Variants in TTC27 observed in about 807,000 individuals in gnomAD.
TTC27 encodes tetratricopeptide repeat domain 27, also known as tetratricopeptide repeat protein 27.
In TTC27, 79 loss-of-function variants were observed where a neutral mutation model predicts 115.9. The ratio of observed to expected loss-of-function variants is 0.68; its 90% CI spans 0.57 to 0.82. TTC27 has a LOEUF of 0.82. Among genes scored for constraint, TTC27 ranks in the 40% least tolerant of loss-of-function variants. The pLI, the probability that TTC27 is intolerant of heterozygous loss-of-function variation, is 0.00. For missense variants in TTC27, 1,054 were observed against 993.1 expected, an observed-to-expected ratio of 1.06 and a Z score of -0.82; for synonymous variants, 401 against 356.0, an observed-to-expected ratio of 1.13 and a Z score of -1.42.
intron 8 of TTC27, among the ~76,000 whole-genome samples, chr2:32,678,193 T>A (rs1666283645): frequency 6.7e-6 from 1 of 149,490 alleles, no homozygotes; most frequent in Non-Finnish European, 1.5e-5. Flanking sequence ...AGGTGGAGGT[T>A]GCAATGAGCC....
At chr2:32,725,923 A>G (rs144042195) in intron 10 of TTC27, among the ~76,000 whole-genome samples, 2 of 125,478 alleles carry the variant, frequency 1.6e-5, no homozygotes, top group East Asian at 4.8e-4. Context: ...GACAGGCTCA[A>G]CACCAACAGA....
chr2:32,763,629 T>TA (rs1669521749), intron 13 of TTC27, among the ~76,000 whole-genome samples: 1 of 152,174 alleles, frequency 6.6e-6, no homozygotes, highest in South Asian at 2.1e-4. Flanking sequence ...AGCTCAAGTT[T>TA]AAAAAATGAG....
intron 12 of TTC27, among the ~76,000 whole-genome samples, chr2:32,746,201 T>G (rs972704247): frequency 1.3e-5 from 2 of 152,116 alleles, no homozygotes; most frequent in African/African-American, 4.8e-5. Flanking sequence ...ATGTTTTTTT[T>G]GTTTGGGGAA....
At chr2:32,760,773 A>T (rs149685975) in intron 13 of TTC27, among the ~76,000 whole-genome samples, 1 of 152,164 alleles carries the variant, frequency 6.6e-6, no homozygotes, top group African/African-American at 2.4e-5. Context: ...GCCTGCCACA[A>T]TCGCAGTTAA....
intron 16 of TTC27, among the ~76,000 whole-genome samples, chr2:32,789,120 A>C (rs1264296252): frequency 6.6e-6 from 1 of 152,186 alleles, no homozygotes; most frequent in South Asian, 2.1e-4. Flanking sequence ...CAAAATAACT[A>C]TTCAAAGATT....
chr2:32,635,620 G>C (rs1462154016), intron 3 of TTC27, among the ~76,000 whole-genome samples: 2 of 152,044 alleles, frequency 1.3e-5, no homozygotes, highest in African/African-American at 2.4e-5. Flanking sequence ...GGAGGCGGAG[G>C]TTGCAGTGAG....
intron 8 of TTC27, among the ~76,000 whole-genome samples, chr2:32,675,689 G>A (rs1467929545): frequency 1.3e-5 from 2 of 152,046 alleles, no homozygotes; most frequent in Admixed American, 6.6e-5. Flanking sequence ...GCTGATCTCT[G>A]TCTGATCCCT....
At chr2:32,644,295 T>G (rs1363593173) in intron 4 of TTC27, among the ~76,000 whole-genome samples, 1 of 149,708 alleles carries the variant, frequency 6.7e-6, no homozygotes, top group African/African-American at 2.5e-5. Context: ...GAGGTTGCAG[T>G]GAGCCAAGAT....
chr2:32,629,158 G>T (rs182620281), intron 1 of TTC27, among the ~76,000 whole-genome samples: 53 of 148,774 alleles, frequency 3.6e-4, no homozygotes, highest in African/African-American at 1.3e-3. Context: ...TCTCCCTCTT[G>T]TTGCTCTGGC....
chr2:32,748,542 T>G (rs1458931157), intron 12 of TTC27, among the ~76,000 whole-genome samples: 1 of 152,218 alleles, frequency 6.6e-6, no homozygotes, highest in African/African-American at 2.4e-5. Context: ...ATATTATTGT[T>G]CAGTTGTTTA....
chr2:32,725,702 C>T (rs758994724), intron 10 of TTC27, among the ~76,000 whole-genome samples: 2 of 152,128 alleles, frequency 1.3e-5, no homozygotes, highest in African/African-American at 2.4e-5. Flanking sequence ...GGATGGTGGC[C>T]CTCTTCTCAC....
chr2:32,724,312 T>C (rs552598528), intron 10 of TTC27, among the ~76,000 whole-genome samples: 2 of 152,292 alleles, frequency 1.3e-5, no homozygotes, highest in African/African-American at 4.8e-5. Context: ...ATCTTCATAA[T>C]AAGGGCAGTG....
At chr2:32,631,891 A>G (rs1454799239) in intron 2 of TTC27, among the ~76,000 whole-genome samples, 1 of 151,120 alleles carries the variant, frequency 6.6e-6, no homozygotes, top group Non-Finnish European at 1.5e-5. Flanking sequence ...GCTCACTGCA[A>G]CCTCCGCCTC....
At chr2:32,685,232 G>C (rs1031090894) in intron 9 of TTC27, among the ~76,000 whole-genome samples, 38 of 151,994 alleles carry the variant, frequency 2.5e-4, no homozygotes, top group Non-Finnish European at 8.8e-5. Context: ...GTTTCACCAT[G>C]TTGGCCAGGC....
At chr2:32,811,725 A>G (rs1487337403) in intron 17 of TTC27, among the ~76,000 whole-genome samples, 1 of 152,248 alleles carries the variant, frequency 6.6e-6, no homozygotes, top group Non-Finnish European at 1.5e-5. Context: ...GTGCGATAGA[A>G]CACCAGTTCC....
chr2:32,781,900 G>C (rs1295572354), intron 14 of TTC27, among the ~76,000 whole-genome samples: 1 of 152,290 alleles, frequency 6.6e-6, no homozygotes, highest in South Asian at 2.1e-4. Flanking sequence ...CAGCTTTCTG[G>C]TAGTTATTCT....
chr2:32,628,393 C>G lies in TTC27; in HGVS notation c.88+13C>G. ...GTCGTCGGTTCAGGTGAGAGGCGCA[C>G]CTACCGGGCCTTAGGCTATCGTGGG... On this transcript the variant is annotated intron_variant, in intron 1 of 19. Coordinates refer to ENST00000317907, the MANE Select transcript of TTC27 (RefSeq NM_017735.5). 6.4e-7 allele frequency: 1 copy of G among 1,572,608 alleles called. No individual in the cohort carries two copies. Among genetic ancestry groups the G allele is most frequent in the Non-Finnish European group, 8.6e-7 (1 of 1,162,698 alleles).
At chr2:32,778,126 T>A in intron 14 of TTC27, 146 bp downstream of exon 14, 1 of 606,032 alleles carries the variant, frequency 1.7e-6, no homozygotes, top group Non-Finnish European at 2.7e-6. Flanking sequence ...GTATAGGATT[T>A]ATAAATCTGG....
chr2:32,721,930 C>T (rs1289202419), intron 10 of TTC27, among the ~76,000 whole-genome samples: 1 of 152,178 alleles, frequency 6.6e-6, no homozygotes, highest in Admixed American at 6.6e-5. Context: ...GCTTCACTTT[C>T]CTTATTGGTA....
Sources: gnomAD v4.1 joint callset for allele counts (sites outside exome capture counted in the v4.1 genomes callset) on GRCh38, gnomAD v4.1.1 for gene constraint, MANE v1.5 for transcripts, NCBI Gene and HGNC (gene_info 2026-07-23, HGNC 2026-07-21) for gene names.